The following NLRP1 variants were observed in gnomAD, a reference collection of about 807,000 sequenced individuals.
The protein encoded by NLRP1 is NACHT, LRR and PYD domains-containing protein 1.
In NLRP1, 94 loss-of-function variants were observed where a neutral mutation model predicts 136.7. The ratio of observed to expected loss-of-function variants is 0.69; its 90% CI spans 0.58 to 0.82. NLRP1 has a LOEUF of 0.82. Among genes scored for constraint, NLRP1 ranks in the 40% least tolerant of loss-of-function variants. NLRP1 has a pLI of 0.00. For synonymous variants in NLRP1, 690 were observed against 725.1 expected (o/e 0.95, Z 0.78); for missense variants, 1,575 against 1,802.7 (o/e 0.87, Z 2.29).
chr17:5,555,054 CA>C (rs1913884917), intron 4 of NLRP1, among the ~76,000 whole-genome samples: 2 of 141,002 alleles, frequency 1.4e-5, no homozygotes, highest in Non-Finnish European at 3.2e-5. Context: ...CACACACACA[CA>C]CGAAAAAAAG....
intron 3 of NLRP1, among the ~76,000 whole-genome samples, chr17:5,572,132 G>A (rs974304849): frequency 6.6e-6 from 1 of 152,062 alleles, no homozygotes; most frequent in Non-Finnish European, 1.5e-5. Context: ...GTAAAACCTA[G>A]AACTTTAAAA....
chr17:5,501,950 A>T, intron 15 of NLRP1: 1 of 1,318,670 alleles, frequency 7.6e-7, no homozygotes. Flanking sequence ...CGGCTTTGTT[A>T]GTTGCAGCAA....
chr17:5,544,556 C>T (rs1015228494), intron 5 of NLRP1, among the ~76,000 whole-genome samples: 10 of 152,244 alleles, frequency 6.6e-5, no homozygotes, highest in African/African-American at 2.4e-4. Context: ...GAGAGGCCTC[C>T]GAGCACCTTT....
intron 3 of NLRP1, among the ~76,000 whole-genome samples, chr17:5,576,954 CA>C (rs1197571421): frequency 6.6e-6 from 1 of 152,100 alleles, no homozygotes; most frequent in East Asian, 1.9e-4. Context: ...AAGGCTGGTT[CA>C]ACATACGCAA....
chr17:5,549,422 G>C (rs1244024019), intron 5 of NLRP1, among the ~76,000 whole-genome samples: 2 of 152,128 alleles, frequency 1.3e-5, no homozygotes, highest in East Asian at 1.9e-4. Flanking sequence ...GGGACTGTGG[G>C]CGTGTGCCAC....
intron 6 of NLRP1, among the ~76,000 whole-genome samples, chr17:5,540,953 CCT>C (rs1911793695): frequency 6.6e-6 from 1 of 152,174 alleles, no homozygotes; most frequent in Non-Finnish European, 1.5e-5. Flanking sequence ...AAGGCAGCCC[CCT>C]GAGCGGGTGC....
intron 5 of NLRP1, among the ~76,000 whole-genome samples, chr17:5,547,215 C>A (rs1164672729): frequency 1.3e-5 from 2 of 152,052 alleles, no homozygotes; most frequent in African/African-American, 4.8e-5. Context: ...ACATAGCATA[C>A]ATGACCCTAA....
rs1914435612 is a variant in NLRP1 at position 5,559,044 on chromosome 17, C to G, written c.1652G>C (p.Cys551Ser). The G allele has an allele frequency of 6.2e-7, 1 of 1,614,138 alleles. No individual in the cohort carries two copies. The highest frequency in any genetic ancestry group is 8.5e-7 in the Non-Finnish European group (1 of 1,180,018). ...TLTSKTTTTL[C>S]LHYLAQALQA... ...GAGAGCCTGGGCAAGGTAATGTAGA[C>G]AGAGGGTTGTGGTGGTCTTGGAAGT... Residue 551 changes from cysteine (C) to serine (S), a missense_variant, in exon 4 of 17, where the codon TGT becomes TCT. Physicochemically the swap from Cys to Ser is moderately radical, Grantham distance 112. Transcript: ENST00000572272.
intron 13 of NLRP1, 95 bp downstream of exon 13, chr17:5,521,429 G>T: frequency 7.7e-7 from 1 of 1,302,074 alleles, no homozygotes; most frequent in Non-Finnish European, 1.1e-6. Context: ...GCCCATCCTT[G>T]GTCCCAGTTG....
chr17:5,517,792 T>C lies in NLRP1; in HGVS notation c.4011A>G (p.Lys1337=), dbSNP rs778222806. ...HLGSGIRLQV[K]DKKDETLVWE... is the part of the protein sequence containing the mutation. ...ACACCAGAGTCTCATCTTTCTTGTC[T>C]TTCACTTGCAGCCTGATCCCTGATC... The change falls in exon 15 of 17, where the codon AAA becomes AAG. Residue 1337 remains lysine (K), a synonymous_variant. Coordinates refer to ENST00000572272, the MANE Select transcript of NLRP1 (RefSeq NM_033004.4). 1 of 1,614,200 alleles carries C rather than the reference T, an allele frequency of 6.2e-7. No homozygotes were observed. Among genetic ancestry groups the C allele is most frequent in the South Asian group, 1.1e-5 (1 of 91,084 alleles).
At chr17:5,532,331 T>C (rs934686342) in intron 11 of NLRP1, among the ~76,000 whole-genome samples, 24 of 152,156 alleles carry the variant, frequency 1.6e-4, no homozygotes, top group Non-Finnish European at 2.1e-4. Flanking sequence ...TGAATATGGA[T>C]TGGGGAGTAG....
In NLRP1 at chr17:5,583,499, GC is replaced by G. The variant is rs949992429; in HGVS notation, c.271+187del. Reference sequence around the variant, plus strand: ...TGTGGGGCTCTGAGGTGCAGCAAGGGCCCCCCCAGCAAGCCTCCTGGCTCCA... The same window carrying G: ...TGTGGGGCTCTGAGGTGCAGCAAGGGCCCCCCAGCAAGCCTCCTGGCTCCA... On this transcript the variant is annotated intron_variant, in intron 1 of 16. Coordinates refer to ENST00000572272, the MANE Select transcript of NLRP1 (RefSeq NM_033004.4). The surrounding 1 kb of genome is among the most constrained non-coding windows in gnomAD (Gnocchi z 4.5). Among the ~76,000 whole-genome samples, 2 of 152,132 alleles carry G rather than the reference GC, an allele frequency of 1.3e-5. No homozygotes were observed. The highest frequency in any genetic ancestry group is 1.9e-4 in the East Asian group (1 of 5,164).
At position 5,514,365 on chromosome 17, in the gene NLRP1, C is replaced by T. The variant is rs185731411; in HGVS notation, c.*389G>A. ...AGCCAAGAATCCACGTGGCCTCCCA[C>T]GCTGAACCCCAATTTTGGGGCTCAC... On this transcript the variant is annotated 3_prime_UTR_variant, in exon 17 of 17. Coordinates refer to ENST00000572272, the MANE Select transcript of NLRP1 (RefSeq NM_033004.4). The T allele has an allele frequency of 4.3e-4, 456 of 1,068,802 alleles. No individual in the cohort carries two copies. The Middle Eastern group carries it at 4.5e-3, about 11-fold the overall frequency. 66.2% of individuals were successfully genotyped at this position (1,068,802 alleles called of 1,614,324 possible).
At position 5,541,463 on chromosome 17, in the gene NLRP1, G is replaced by C. The variant is rs1457135489; in HGVS notation, c.2699+394C>G. 6.6e-6 allele frequency among the ~76,000 whole-genome samples: 1 copy of C among 152,186 alleles called. No individual in the cohort carries two copies. Among genetic ancestry groups the C allele is most frequent in the Non-Finnish European group, 1.5e-5 (1 of 68,028 alleles). On this transcript the variant is annotated intron_variant, in intron 6 of 16. Transcript: ENST00000572272. The surrounding 1 kb of genome is among the most constrained non-coding windows in gnomAD (Gnocchi z 4.2). ...GGCAGAACCCCATGCCAAGTAAGAG[G>C]ACCTGTTACTAGGCAGATCACAGCT...
At chr17:5,509,837 G>T (rs1278023216), downstream of NLRP1, among the ~76,000 whole-genome samples, 2 of 152,014 alleles carry the variant, frequency 1.3e-5, no homozygotes, top group African/African-American at 4.8e-5. Flanking sequence ...TTCTTTGACA[G>T]GGGTCCCTGT....
chr17:5,574,699 T>A (rs1296799194), intron 3 of NLRP1, among the ~76,000 whole-genome samples: 4 of 150,064 alleles, frequency 2.7e-5, no homozygotes, highest in African/African-American at 9.9e-5. Flanking sequence ...TCTCGCTCTG[T>A]CACCCAGGCT....
chr17:5,560,886 C>T (rs982686787), intron 3 of NLRP1, among the ~76,000 whole-genome samples: 1 of 152,250 alleles, frequency 6.6e-6, no homozygotes, highest in Non-Finnish European at 1.5e-5. Flanking sequence ...TGGAAGATAC[C>T]TCATGACCTG....
chr17:5,536,777 C>T, intron 8 of NLRP1, 74 bp downstream of exon 8: 1 of 1,053,750 alleles, frequency 9.5e-7, no homozygotes, highest in Non-Finnish European at 1.5e-6. Flanking sequence ...GTCTCTCACC[C>T]CATGGCTCTT....
intron 3 of NLRP1, among the ~76,000 whole-genome samples, chr17:5,578,009 A>G (rs1428187162): frequency 1.3e-5 from 2 of 152,270 alleles, no homozygotes; most frequent in African/African-American, 2.4e-5. Context: ...AGAAATGGGG[A>G]AAGGATTCCC....
Sources: gnomAD v4.1 joint callset for allele counts (sites outside exome capture counted in the v4.1 genomes callset) on GRCh38, gnomAD v4.1.1 for gene constraint, Gnocchi (gnomAD v3.1) non-coding constraint, MANE v1.5 for transcripts, NCBI Gene and HGNC (gene_info 2026-07-23, HGNC 2026-07-21) for gene names.